NUBP1: variants seen among roughly 807,000 people sequenced by gnomAD.
The protein encoded by NUBP1 is NUBP iron-sulfur cluster assembly factor 1, cytosolic.
Under a neutral mutation model 41.8 loss-of-function variants are expected in NUBP1, and 46 were observed. That is an observed-to-expected ratio of 1.10 (90% CI 0.87 to 1.41). The LOEUF is 1.41. Ranked by LOEUF, NUBP1 falls within the 40% of genes most tolerant of loss-of-function variation. NUBP1 has a pLI of 0.00. For missense variants in NUBP1, 494 were observed against 414.0 expected (o/e 1.19, Z -1.68); for synonymous variants, 189 against 154.6 (o/e 1.22, Z -1.65).
chr16:10,769,284 T>C lies in NUBP1; in HGVS notation c.*179T>C. ...ATCATTGAGTATTTGTACACTTTTC[T>C]TTAGAACATATATAAAGGGCATTCT... is the stretch of plus-strand genomic sequence containing the variant. On this transcript the variant is annotated 3_prime_UTR_variant, in exon 11 of 11. Coordinates refer to ENST00000283027, the MANE Select transcript of NUBP1 (RefSeq NM_002484.4). 1.7e-6 allele frequency: 1 copy of C among 580,286 alleles called. No homozygotes were observed. Among genetic ancestry groups the C allele is most frequent in the South Asian group, 2.2e-5 (1 of 45,436 alleles). The allele number at this position is 580,286 out of a possible 1,614,324, so 35.9% of individuals were successfully genotyped here.
intron 2 of NUBP1, among the ~76,000 whole-genome samples, chr16:10,746,697 G>A (rs1263281966): frequency 6.6e-6 from 1 of 151,898 alleles, no homozygotes; most frequent in Non-Finnish European, 1.5e-5. Flanking sequence ...CCGAGATCAC[G>A]CCACTGCACT....
intron 3 of NUBP1, 100 bp from the exon 4 acceptor site, chr16:10,752,510 C>T (rs1900364878): frequency 2.2e-6 from 2 of 890,562 alleles, no homozygotes; most frequent in Middle Eastern, 3.1e-4. Flanking sequence ...TCTGTCTTCT[C>T]CCCTGTCCTT....
intron 4 of NUBP1, among the ~76,000 whole-genome samples, chr16:10,754,571 A>G (rs572835003): frequency 1.1e-4 from 17 of 152,134 alleles, no homozygotes; most frequent in Admixed American, 2.0e-4. Flanking sequence ...CTTCGAAGTC[A>G]GTCACAGAGG....
rs148922151 is a variant in NUBP1 at position 10,767,973 on chromosome 16, C to G, written c.845C>G (p.Ser282Cys). 2.4e-4 allele frequency: 387 copies of G among 1,614,098 alleles called. No homozygotes were observed. The highest frequency in any genetic ancestry group is 3.0e-4 in the Non-Finnish European group (353 of 1,179,996). Residue 282 changes from serine (S) to cysteine (C), a missense_variant, in exon 10 of 11, where the codon TCT becomes TGT. Physicochemically the swap from Ser to Cys is moderately radical, Grantham distance 112. Coordinates refer to ENST00000283027, the MANE Select transcript of NUBP1 (RefSeq NM_002484.4). This position sits in a 1 kb window ranked among gnomAD's most constrained non-coding sequence, Gnocchi z 4.6. ...LIGKNCDKGQ[S>C]FFIDAPDSPA... ...GGTAAGAATTGTGACAAAGGCCAGT[C>G]TTTTTTCATTGACGCCCCAGATTCC... is the stretch of plus-strand genomic sequence containing the variant.
chr16:10,766,813 T>C lies in NUBP1; in HGVS notation c.821-1136T>C. On this transcript the variant is annotated intron_variant, in intron 9 of 10. Coordinates refer to ENST00000283027, the MANE Select transcript of NUBP1 (RefSeq NM_002484.4). The surrounding 1 kb of genome is among the most constrained non-coding windows in gnomAD (Gnocchi z 4.8). Reference sequence around the variant, plus strand: ...AATACCCTCTACTTGAGGTACGCCCTATATAAACGAAAAGGATGAAGTAAA... The same window carrying C: ...AATACCCTCTACTTGAGGTACGCCCCATATAAACGAAAAGGATGAAGTAAA... 5.0e-6 allele frequency: 2 copies of C among 397,628 alleles called. No homozygotes were observed. Among genetic ancestry groups the C allele is most frequent in the Non-Finnish European group, 8.9e-6 (2 of 225,922 alleles). The allele number at this position is 397,628 out of a possible 1,614,324, so 24.6% of individuals were successfully genotyped here.
chr16:10,761,790 G>T lies in NUBP1; in HGVS notation c.751G>T (p.Gly251Cys). 6 of 1,614,098 alleles carry T rather than the reference G, an allele frequency of 3.7e-6. No individual in the cohort carries two copies. The South Asian group carries it at 6.6e-5, about 18-fold the overall frequency. Reference sequence around the variant, plus strand: ...TCAGATATTCCCTCCCACAACCGGGGGCGCGGAGCTCATGTGCCAGGACTT... The same window carrying T: ...TCAGATATTCCCTCCCACAACCGGGTGCGCGGAGCTCATGTGCCAGGACTT... ...ESQIFPPTTG[G>C]AELMCQDLEV... The change falls in exon 9 of 11, where the codon GGC (glycine) becomes TGC (cysteine). Residue 251 changes from glycine (G) to cysteine (C), a missense_variant. Physicochemically the swap from Gly to Cys is radical, Grantham distance 159. Transcript: ENST00000283027.
rs761866995 is a variant in NUBP1 at position 10,743,974 on chromosome 16, C to T, written c.33C>T (p.Ala11=). The change falls in exon 2 of 11, where the codon GCC becomes GCT. Residue 11 remains alanine (A), a synonymous_variant. Transcript: ENST00000283027. Reference sequence around the variant, plus strand: ...GTCTCTGCGCAGACTGTCCAGGGGCCGACAGCGCCCAGGCGGGCAGAGGGG... The same window carrying T: ...GTCTCTGCGCAGACTGTCCAGGGGCTGACAGCGCCCAGGCGGGCAGAGGGG... MEEVPHDCPG[A]DSAQAGRGAS... is the part of the protein sequence containing the mutation. 1.9e-6 allele frequency: 3 copies of T among 1,582,246 alleles called. No homozygotes were observed. In the Admixed American group the frequency reaches 5.9e-5, roughly 31 times the overall value.
At position 10,749,633 on chromosome 16, in the gene NUBP1, T is replaced by C. The variant is rs1900228219; in HGVS notation, c.258+2357T>C. On this transcript the variant is annotated intron_variant, in intron 3 of 10. Coordinates refer to ENST00000283027, the MANE Select transcript of NUBP1 (RefSeq NM_002484.4). This position sits in a 1 kb window ranked among gnomAD's most constrained non-coding sequence, Gnocchi z 4.1. ...CTGCAAAGTGTCAACACATGGAAAA[T>C]GCTGAATATGTCTTGATTAAAGTCA... Among the ~76,000 whole-genome samples, 1 of 152,150 alleles carries C rather than the reference T, an allele frequency of 6.6e-6. No homozygotes were observed. Among genetic ancestry groups the C allele is most frequent in the Non-Finnish European group, 1.5e-5 (1 of 68,036 alleles).
At chr16:10,761,184 A>G in intron 7 of NUBP1, 180 bp from the exon 8 acceptor site, 1 of 534,364 alleles carries the variant, frequency 1.9e-6, no homozygotes, top group Non-Finnish European at 3.4e-6. Context: ...TGTAGGGATG[A>G]TGGGGATTAC....
chr16:10,768,047 G>A lies in NUBP1; in HGVS notation c.904+15G>A. The A allele has an allele frequency of 6.2e-7, 1 of 1,612,128 alleles. No individual in the cohort carries two copies. The highest frequency in any genetic ancestry group is 8.5e-7 in the Non-Finnish European group (1 of 1,178,394). The stretch of plus-strand genomic sequence containing the variant: ...TATAATTCAGAGTAAGTATTTCCAT[G>A]AGTACTAAATGCAGATGCCTGTGGG... On this transcript the variant is annotated intron_variant, in intron 10 of 10. Coordinates refer to ENST00000283027, the MANE Select transcript of NUBP1 (RefSeq NM_002484.4). The surrounding 1 kb of genome is among the most constrained non-coding windows in gnomAD (Gnocchi z 4.3).
intron 9 of NUBP1, among the ~76,000 whole-genome samples, chr16:10,763,151 C>T (rs1213374913): frequency 1.3e-5 from 2 of 151,956 alleles, no homozygotes; most frequent in Admixed American, 6.6e-5. Context: ...AGAGGGAGGC[C>T]GGGCCCTCTG....
chr16:10,751,986 AATGATACT>A (rs1211503565), intron 3 of NUBP1, among the ~76,000 whole-genome samples: 1 of 152,206 alleles, frequency 6.6e-6, no homozygotes, highest in Non-Finnish European at 1.5e-5. Context: ...AACCAGAGAT[AATGATACT>A]TACCTTCTAG....
Position 10,768,564 on chromosome 16 carries a change from G to T in NUBP1, c.905-483G>T, listed in dbSNP as rs569685728. 81 of 157,024 alleles carry T rather than the reference G, an allele frequency of 5.2e-4. No individual in the cohort carries two copies. The highest frequency in any genetic ancestry group is 8.8e-4 in the Non-Finnish European group (63 of 71,474). The allele number at this position is 157,024 out of a possible 1,614,324, so 9.7% of individuals were successfully genotyped here. Reference sequence around the variant, plus strand: ...GGAGGCTGCAGTAAGGCGAGATCGCGCCACTGCACTCCAGCCTGGGCAACA... The same window carrying T: ...GGAGGCTGCAGTAAGGCGAGATCGCTCCACTGCACTCCAGCCTGGGCAACA... On this transcript the variant is annotated intron_variant, in intron 10 of 10. Coordinates refer to ENST00000283027, the MANE Select transcript of NUBP1 (RefSeq NM_002484.4). The surrounding 1 kb of genome is among the most constrained non-coding windows in gnomAD (Gnocchi z 4.3).
In NUBP1 at chr16:10,756,925, T is replaced by C. The variant is rs75867069; in HGVS notation, c.451+145T>C. 3.2e-3 allele frequency: 1,896 copies of C among 598,346 alleles called. 38 individuals carry two copies. The highest frequency in any genetic ancestry group is 0.032 in the African/African-American group (1,586 of 50,126). 37.1% of individuals were successfully genotyped at this position (598,346 alleles called of 1,614,324 possible). A position where few individuals can be genotyped will look rare whatever the true frequency, so the allele number is the denominator to read the frequency against. ...AACCATCCAGTGCCTCTTTCTTCAC[T>C]GGTTGAAAAGAGCTAATAGAAATAC... is the stretch of plus-strand genomic sequence containing the variant. On this transcript the variant is annotated intron_variant, in intron 6 of 10. Coordinates refer to ENST00000283027, the MANE Select transcript of NUBP1 (RefSeq NM_002484.4).
At chr16:10,753,816 C>A (rs1025530354) in intron 4 of NUBP1, among the ~76,000 whole-genome samples, 1 of 151,988 alleles carries the variant, frequency 6.6e-6, no homozygotes, top group Non-Finnish European at 1.5e-5. Context: ...GCATTCTGGG[C>A]TAAGGGAGCA....
intron 4 of NUBP1, among the ~76,000 whole-genome samples, chr16:10,754,219 T>C (rs1388437584): frequency 6.7e-6 from 1 of 150,168 alleles, no homozygotes; most frequent in Non-Finnish European, 1.5e-5. Context: ...GTGGGGTTTA[T>C]TTTATTTTAT....
chr16:10,748,652 G>A (rs1016850184), intron 3 of NUBP1, among the ~76,000 whole-genome samples: 2 of 152,168 alleles, frequency 1.3e-5, no homozygotes, highest in Non-Finnish European at 2.9e-5. Context: ...GGGGCCCGAC[G>A]AATAGTCAAT....
At position 10,757,949 on chromosome 16, in the gene NUBP1, G is replaced by A. The variant is rs190932561; in HGVS notation, c.528G>A (p.Thr176=). Residue 176 remains threonine (T), a synonymous_variant, in exon 7 of 11, where the codon ACG becomes ACA. Transcript: ENST00000283027. The surrounding 1 kb of genome is among the most constrained non-coding windows in gnomAD (Gnocchi z 4.1). ...DYLIVDTPPG[T]SDEHLSVVRY... The stretch of plus-strand genomic sequence containing the variant: ...TCATTGTGGACACCCCACCTGGGAC[G>A]TCGGATGAACACCTCTCGGTCGTCC... 4.3e-5 allele frequency: 70 copies of A among 1,614,094 alleles called. No individual in the cohort carries two copies. Among genetic ancestry groups the A allele is most frequent in the African/African-American group, 3.5e-4 (26 of 75,024 alleles).
In NUBP1 at chr16:10,757,741, T is replaced by C. The variant is rs934425881; in HGVS notation, c.452-132T>C. ...TACTTGGGAGGCTGAGGTGGGAGGA[T>C]TGCTTGAGCCTCAGAGTTAAGAGCC... On this transcript the variant is annotated intron_variant, in intron 6 of 10. Transcript: ENST00000283027. The surrounding 1 kb of genome is among the most constrained non-coding windows in gnomAD (Gnocchi z 4.1). 6.2e-5 allele frequency: 67 copies of C among 1,074,560 alleles called. No individual in the cohort carries two copies. Among genetic ancestry groups the C allele is most frequent in the Admixed American group, 1.6e-4 (7 of 44,582 alleles). The allele number at this position is 1,074,560 out of a possible 1,614,324, so 66.6% of individuals were successfully genotyped here. A position where few individuals can be genotyped will look rare whatever the true frequency, so the allele number is the denominator to read the frequency against.
Sources: gnomAD v4.1 joint callset for allele counts (sites outside exome capture counted in the v4.1 genomes callset) on GRCh38, gnomAD v4.1.1 for gene constraint, Gnocchi (gnomAD v3.1) non-coding constraint, MANE v1.5 for transcripts, NCBI Gene and HGNC (gene_info 2026-07-23, HGNC 2026-07-21) for gene names.